PRC1: variants seen among roughly 807,000 people sequenced by gnomAD.
PRC1 encodes the protein anaphase spindle elongation 1 homolog.
A neutral mutation model predicts 91.2 loss-of-function variants in PRC1; 54 were observed. That is an observed-to-expected ratio of 0.59 (90% CI 0.48 to 0.74). PRC1 has a LOEUF of 0.74. Ranked by LOEUF, PRC1 falls within the 30% of genes least tolerant of loss-of-function variation. The probability of loss-of-function intolerance (pLI) is 0.00; values close to 1 mark genes in which losing one functional copy is unlikely to be tolerated. For missense variants in PRC1, 727 were observed against 746.2 expected, an observed-to-expected ratio of 0.97 and a Z score of 0.30; for synonymous variants, 275 against 263.6, an observed-to-expected ratio of 1.04 and a Z score of -0.42.
intron 8 of PRC1, 98 bp from the exon 9 acceptor site, chr15:90,976,869 A>G (rs8037254): frequency 0.43 from 412,457 of 964,556 alleles, 108,916 homozygotes; most frequent in East Asian, 1. Context: ...GGTGACTCAC[A>G]CCTGTAATCC....
intron 11 of PRC1, 49 bp from the exon 12 acceptor site, chr15:90,970,563 A>G (rs750040310): frequency 7.5e-6 from 10 of 1,328,738 alleles, no homozygotes; most frequent in Admixed American, 5.1e-5. Context: ...CATCCTCAGC[A>G]TTTCTAGCAA....
chr15:90,973,214 A>C (rs896266639), intron 11 of PRC1: 2 of 152,364 alleles, frequency 1.3e-5, no homozygotes, highest in Admixed American at 1.3e-4. Context: ...AGATGCTGTT[A>C]ATCTGCAACT....
In PRC1 at chr15:90,980,326, C is replaced by A; in HGVS notation, c.886G>T (p.Ala296Ser). 1 of 1,614,150 alleles carries A rather than the reference C, an allele frequency of 6.2e-7. No homozygotes were observed. The highest frequency in any genetic ancestry group is 1.6e-4 in the Middle Eastern group (1 of 6,062). ...TACTGAACCAGCTCCACTCGAATTG[C>A]CTCAATCACTTTCTTCATGTTTTGC... is the stretch of plus-strand genomic sequence containing the variant. ...KMQNMKKVIE[A>S]IRVELVQYWD... is the part of the protein sequence containing the mutation. The change falls in exon 7 of 15, where the codon GCA (alanine) becomes TCA (serine). Residue 296 changes from alanine to serine, a missense_variant. Ala to Ser is a moderately conservative substitution (Grantham distance 99). Transcript: ENST00000394249.
intron 1 of PRC1, among the ~76,000 whole-genome samples, chr15:90,989,485 A>G (rs1333875272): frequency 1.3e-5 from 2 of 148,948 alleles, no homozygotes. Flanking sequence ...GGCCCAAGCA[A>G]TCCTCCCACC....
chr15:90,968,938 T>A, intron 14 of PRC1, 141 bp downstream of exon 14: 2 of 1,488,422 alleles, frequency 1.3e-6, no homozygotes, highest in Non-Finnish European at 1.8e-6. Context: ...GATGTGTTTT[T>A]TTGAGTCCAT....
chr15:90,974,474 G>A lies in PRC1; in HGVS notation c.1350+111C>T, dbSNP rs1352035491. 2 of 1,469,890 alleles carry A rather than the reference G, an allele frequency of 1.4e-6. No individual in the cohort carries two copies. Among genetic ancestry groups the A allele is most frequent in the Non-Finnish European group, 1.9e-6 (2 of 1,080,938 alleles). 91.1% of individuals were successfully genotyped at this position (1,469,890 alleles called of 1,614,324 possible). A position where few individuals can be genotyped will look rare whatever the true frequency, so the allele number is the denominator to read the frequency against. ...CGGTCCCCGGCTTCCCGTTCCACAA[G>A]CCCCGGTCCCCGGCTCCCTGTTCCA... On this transcript the variant is annotated intron_variant, in intron 10 of 14. Coordinates refer to ENST00000394249, the MANE Select transcript of PRC1 (RefSeq NM_003981.4). The surrounding 1 kb of genome is among the most constrained non-coding windows in gnomAD (Gnocchi z 4.6).
In PRC1 at chr15:90,974,230, T is replaced by C. The variant is rs776013759; in HGVS notation, c.1367A>G (p.Lys456Arg). The C allele has an allele frequency of 5.0e-6, 8 of 1,614,058 alleles. No individual in the cohort carries two copies. In the East Asian group the frequency reaches 1.8e-4, roughly 36 times the overall value. ...ATACAGCATCTCTGTCTCTGTCTGTTTTTTGTTCTTCAGTTGCTGTGTGAA... is the reference window on the plus strand; with the variant it reads ...ATACAGCATCTCTGTCTCTGTCTGTCTTTTGTTCTTCAGTTGCTGTGTGAA... Reference protein sequence around the residue: ...AKQERQLKNKKQTETEMLYGS... With the variant: ...AKQERQLKNKRQTETEMLYGS... The change falls in exon 11 of 15, where the codon AAA (lysine) becomes AGA (arginine). Residue 456 changes from lysine to arginine, a missense_variant. By Grantham distance (26) the Lys-to-Arg change is conservative. Transcript: ENST00000394249. This position sits in a 1 kb window ranked among gnomAD's most constrained non-coding sequence, Gnocchi z 4.6.
chr15:90,991,626 A>T (rs1344398831), intron 1 of PRC1, among the ~76,000 whole-genome samples: 2 of 151,422 alleles, frequency 1.3e-5, no homozygotes, highest in Non-Finnish European at 2.9e-5. Flanking sequence ...TTTTTTTTTT[A>T]AACTTAAATC....
chr15:90,983,582 G>C (rs956374572), intron 3 of PRC1: 1 of 152,878 alleles, frequency 6.5e-6, no homozygotes, highest in African/African-American at 2.4e-5. Flanking sequence ...ATTTTGGCTG[G>C]TTCAGTGGTA....
At position 90,969,618 on chromosome 15, in the gene PRC1, G is replaced by A. The variant is rs368170223; in HGVS notation, c.1578C>T (p.Val526=). The A allele has an allele frequency of 6.3e-6, 10 of 1,591,950 alleles. No homozygotes were observed. Among genetic ancestry groups the A allele is most frequent in the Admixed American group, 1.8e-5 (1 of 55,576 alleles). The stretch of plus-strand genomic sequence containing the variant: ...TCTTCCCTGAACAGGTGGAAGCAGC[G>A]ACTGGCTGCAGAGAAAGGAAAGAGA... ...SRLPPSGSKP[V]AASTCSGKKT... is the part of the protein sequence containing the mutation. The change falls in exon 13 of 15, where the codon GTC becomes GTT. Residue 526 remains valine (V), a synonymous_variant. Coordinates refer to ENST00000394249, the MANE Select transcript of PRC1 (RefSeq NM_003981.4).
Position 90,984,145 on chromosome 15 carries a change from A to G in PRC1, c.145-5T>C, listed in dbSNP as rs1423512290. 1 of 1,613,918 alleles carries G rather than the reference A, an allele frequency of 6.2e-7. No individual in the cohort carries two copies. Among genetic ancestry groups the G allele is most frequent in the Non-Finnish European group, 8.5e-7 (1 of 1,179,950 alleles). ...AATCATCATATCCAGGAGTTCCTAC[A>G]AGAGGGAAAACAGTCCATAAGTTTG... is the stretch of plus-strand genomic sequence containing the variant. On this transcript the variant is annotated splice_region_variant and splice_polypyrimidine_tract_variant and intron_variant, in intron 2 of 14. Coordinates refer to ENST00000394249, the MANE Select transcript of PRC1 (RefSeq NM_003981.4). The surrounding 1 kb of genome is among the most constrained non-coding windows in gnomAD (Gnocchi z 5.1).
chr15:90,988,631 T>A (rs2039750451), intron 1 of PRC1: 1 of 152,254 alleles, frequency 6.6e-6, no homozygotes, highest in East Asian at 1.9e-4. Context: ...TCTCATTTTC[T>A]GATGCCACCG....
chr15:90,975,283 T>C (rs887437430), intron 9 of PRC1, among the ~76,000 whole-genome samples: 1 of 152,112 alleles, frequency 6.6e-6, no homozygotes, highest in Non-Finnish European at 1.5e-5. Context: ...TTGTATTTTT[T>C]AGTAGAGATG....
At position 90,970,440 on chromosome 15, in the gene PRC1, G is replaced by A; in HGVS notation, c.1536C>T (p.His512=). The stretch of plus-strand genomic sequence containing the variant: ...AAGGAGGAAGTCGAGACACGGGGGA[G>A]TGGTAGACTGTCCCTCCAAAGATAG... ...IRPIFGGTVY[H]SPVSRLPPSG... The change falls in exon 12 of 15, where the codon CAC becomes CAT. Residue 512 remains histidine, a synonymous_variant. Coordinates refer to ENST00000394249, the MANE Select transcript of PRC1 (RefSeq NM_003981.4). 6.2e-7 allele frequency: 1 copy of A among 1,613,330 alleles called. No individual in the cohort carries two copies. Among genetic ancestry groups the A allele is most frequent in the Non-Finnish European group, 8.5e-7 (1 of 1,179,272 alleles).
chr15:90,985,575 T>C lies in PRC1; in HGVS notation c.12-750A>G, dbSNP rs539981041. On this transcript the variant is annotated intron_variant, in intron 1 of 14. Coordinates refer to ENST00000394249, the MANE Select transcript of PRC1 (RefSeq NM_003981.4). ...TTTATTTTTATTTTCTTTTTTTTTT[T>C]TGAGACAGAGTCTCGCTCCGTTGCC... 9.9e-4 allele frequency among the ~76,000 whole-genome samples: 149 copies of C among 151,096 alleles called. 1 individual carries two copies. Among genetic ancestry groups the C allele is most frequent in the Non-Finnish European group, 1.8e-3 (121 of 67,810 alleles).
chr15:90,972,776 A>T (rs2038276693), intron 11 of PRC1: 1 of 152,250 alleles, frequency 6.6e-6, no homozygotes, highest in Middle Eastern at 3.1e-3. Context: ...TGCTGTAGAG[A>T]TGAAGAATTA....
At chr15:90,972,510 A>G (rs4932381) in intron 11 of PRC1, among the ~76,000 whole-genome samples, 17,099 of 152,250 alleles carry the variant, frequency 0.11, 1,632 homozygotes, top group East Asian at 0.49. Context: ...TTGGAAGTCA[A>G]GGTGGGTGGA....
intron 1 of PRC1, among the ~76,000 whole-genome samples, chr15:90,985,221 GT>G (rs11357808): frequency 0.046 from 6,848 of 148,162 alleles, 491 homozygotes; most frequent in African/African-American, 0.16. Flanking sequence ...TTTTTTTGGT[GT>G]TTTTTTTTTG....
At chr15:90,983,915 C>G (rs1483072484) in intron 3 of PRC1, 103 bp downstream of exon 3, 2 of 1,454,606 alleles carry the variant, frequency 1.4e-6, no homozygotes, top group Non-Finnish European at 1.9e-6. Context: ...CGTCTAGCTC[C>G]ATCCCTACGA....
Sources: gnomAD v4.1 joint callset for allele counts (sites outside exome capture counted in the v4.1 genomes callset) on GRCh38, gnomAD v4.1.1 for gene constraint, Gnocchi (gnomAD v3.1) non-coding constraint, MANE v1.5 for transcripts, NCBI Gene and HGNC (gene_info 2026-07-23, HGNC 2026-07-21) for gene names.